The following MELK variants were observed in gnomAD, a reference collection of about 807,000 sequenced individuals.
The protein encoded by MELK is maternal embryonic leucine zipper kinase, also known as pEg3 kinase.
In MELK, 81 loss-of-function variants were observed where a neutral mutation model predicts 85.0. The ratio of observed to expected loss-of-function variants is 0.95; its 90% CI spans 0.80 to 1.15. The LOEUF (loss-of-function observed/expected upper bound fraction) is 1.15. Ranked by LOEUF, MELK falls within the 50% of genes most tolerant of loss-of-function variation. The pLI, the probability that MELK is intolerant of heterozygous loss-of-function variation, is 0.00. For missense variants in MELK, 754 were observed against 777.5 expected (o/e 0.97, Z 0.36); for synonymous variants, 252 against 265.0 (o/e 0.95, Z 0.48).
chr9:36,576,795 G>T (rs1183530632), intron 1 of MELK, among the ~76,000 whole-genome samples: 1 of 152,188 alleles, frequency 6.6e-6, no homozygotes, highest in Non-Finnish European at 1.5e-5. Flanking sequence ...GCCTACCAAA[G>T]TGCTAGGATT....
chr9:36,636,601 C>G, intron 10 of MELK, among the ~76,000 whole-genome samples: 1 of 152,094 alleles, frequency 6.6e-6, no homozygotes, highest in South Asian at 2.1e-4. Context: ...GTAGGCCTTA[C>G]CTGGGGTCGT....
Position 36,674,888 on chromosome 9 carries a change from G to T in MELK, c.1729G>T (p.Glu577Ter), listed in dbSNP as rs781130506. The change falls in exon 17 of 18, where the codon GAA becomes TAA. Residue 577 changes from glutamate (E) to a stop codon, truncating the protein, a stop_gained. Coordinates refer to ENST00000298048, the MANE Select transcript of MELK (RefSeq NM_014791.4). LOFTEE classifies it high-confidence loss of function. ...AGTGAATCCAGATCAACTGTTGAAT[G>T]AAATAATGTCTATTCTTCCAAAGAA... ...RLVNPDQLLN[E>*]IMSILPKKHV... 1 of 1,600,464 alleles carries T rather than the reference G, an allele frequency of 6.2e-7. No individual in the cohort carries two copies. The highest frequency in any genetic ancestry group is 1.1e-5 in the South Asian group (1 of 90,780).
At chr9:36,573,866 C>T (rs558553855) in intron 1 of MELK, among the ~76,000 whole-genome samples, 24 of 152,228 alleles carry the variant, frequency 1.6e-4, no homozygotes, top group African/African-American at 5.5e-4. Context: ...ATTGCTCCCA[C>T]CAAGAAACCT....
intron 12 of MELK, among the ~76,000 whole-genome samples, chr9:36,653,636 T>A (rs1830930339): frequency 6.6e-6 from 1 of 152,220 alleles, no homozygotes; most frequent in South Asian, 2.1e-4. Flanking sequence ...TAATTCAGGT[T>A]GCAATGTAAA....
intron 1 of MELK, among the ~76,000 whole-genome samples, chr9:36,581,353 T>C (rs968203850): frequency 6.6e-6 from 1 of 151,938 alleles, no homozygotes; most frequent in African/African-American, 2.4e-5. Flanking sequence ...AATATATTAA[T>C]TTTTTTCATT....
At chr9:36,591,164 A>G (rs1050044246) in intron 4 of MELK, among the ~76,000 whole-genome samples, 1 of 152,200 alleles carries the variant, frequency 6.6e-6, no homozygotes, top group African/African-American at 2.4e-5. Flanking sequence ...AGTACATTGT[A>G]TTACTACACT....
At chr9:36,675,499 A>G (rs917150659) in intron 17 of MELK, among the ~76,000 whole-genome samples, 2 of 152,150 alleles carry the variant, frequency 1.3e-5, no homozygotes, top group Non-Finnish European at 2.9e-5. Context: ...TTTCTTGTAG[A>G]TCCTCTATTT....
intron 8 of MELK, among the ~76,000 whole-genome samples, chr9:36,614,293 G>A (rs1252074875): frequency 2.6e-5 from 4 of 151,710 alleles, no homozygotes; most frequent in Non-Finnish European, 4.4e-5. Flanking sequence ...ATGGGGTTTC[G>A]CCATGTTGGC....
At chr9:36,636,371 G>A (rs192486689) in intron 10 of MELK, among the ~76,000 whole-genome samples, 1 of 151,994 alleles carries the variant, frequency 6.6e-6, no homozygotes, top group African/African-American at 2.4e-5. Context: ...GCGTGGTGGT[G>A]CATGCCTGTA....
chr9:36,649,066 A>G (rs566497945), intron 11 of MELK, among the ~76,000 whole-genome samples: 1 of 152,370 alleles, frequency 6.6e-6, no homozygotes, highest in East Asian at 1.9e-4. Flanking sequence ...CATTCTTGAC[A>G]TAGGAATAAG....
chr9:36,576,724 G>C (rs769769891), intron 1 of MELK, among the ~76,000 whole-genome samples: 3 of 152,082 alleles, frequency 2.0e-5, no homozygotes, highest in Non-Finnish European at 4.4e-5. Flanking sequence ...TAGAGACGGG[G>C]TTTCTGCATG....
At chr9:36,652,864 C>T (rs1830850054) in intron 12 of MELK, among the ~76,000 whole-genome samples, 1 of 151,354 alleles carries the variant, frequency 6.6e-6, no homozygotes, top group African/African-American at 2.4e-5. Context: ...TTTTTTAAAG[C>T]ATACTTTTAC....
In MELK at chr9:36,669,411, GTGTT is replaced by G. The variant is rs370903752; in HGVS notation, c.1505+8_1505+11del. Reference sequence around the variant, plus strand: ...TGTCATTAGCCCTGAGAGGCGGTAAGTGTTTGGTTTTTTTAGACTCTAATCTTTA... The same window carrying G: ...TGTCATTAGCCCTGAGAGGCGGTAAGTGGTTTTTTTAGACTCTAATCTTTA... On this transcript the variant is annotated splice_donor_region_variant and intron_variant, in intron 15 of 17. Transcript: ENST00000298048. 100 of 1,583,550 alleles carry G rather than the reference GTGTT, an allele frequency of 6.3e-5. No homozygotes were observed. In the East Asian group the frequency reaches 1.4e-3, roughly 22 times the overall value.
intron 7 of MELK, among the ~76,000 whole-genome samples, chr9:36,606,375 A>AGG (rs1292924803): frequency 7.3e-6 from 1 of 137,208 alleles, no homozygotes; most frequent in Non-Finnish European, 1.5e-5. Context: ...ACATATGTAT[A>AGG]GGTGTGTATA....
intron 8 of MELK, among the ~76,000 whole-genome samples, chr9:36,615,215 C>T (rs1184840353): frequency 6.9e-6 from 1 of 144,020 alleles, no homozygotes; most frequent in Non-Finnish European, 1.5e-5. Context: ...CCCCACCTCC[C>T]TCCCAGACGG....
chr9:36,652,949 G>A (rs1830858678), intron 12 of MELK, among the ~76,000 whole-genome samples: 1 of 151,886 alleles, frequency 6.6e-6, no homozygotes, highest in Non-Finnish European at 1.5e-5. Context: ...TAAGATCTGT[G>A]ATATGGAATA....
chr9:36,677,032 T>G, intron 17 of MELK, 128 bp from the exon 18 acceptor site: 2 of 753,434 alleles, frequency 2.7e-6, no homozygotes, highest in Non-Finnish European at 4.1e-6. Context: ...TTGGAAACTG[T>G]AAACAGTAAT....
chr9:36,675,566 A>G (rs1833272300), intron 17 of MELK, among the ~76,000 whole-genome samples: 1 of 152,182 alleles, frequency 6.6e-6, no homozygotes, highest in African/African-American at 2.4e-5. Context: ...AATTTGTGAG[A>G]CATTTCAAAT....
intron 12 of MELK, among the ~76,000 whole-genome samples, chr9:36,653,053 G>A (rs1830866628): frequency 6.6e-6 from 1 of 152,100 alleles, no homozygotes. Context: ...TTTTCATACT[G>A]AAATGGAGCA....
Sources: gnomAD v4.1 joint callset for allele counts (sites outside exome capture counted in the v4.1 genomes callset) on GRCh38, gnomAD v4.1.1 for gene constraint, MANE v1.5 for transcripts, NCBI Gene and HGNC (gene_info 2026-07-23, HGNC 2026-07-21) for gene names.